TRPC4: variants seen among roughly 807,000 people sequenced by gnomAD.
TRPC4 encodes short transient receptor potential channel 4.
In TRPC4, 49 loss-of-function variants were observed where a neutral mutation model predicts 99.4. The observed-to-expected ratio is 0.49, with a 90% CI of 0.39 to 0.63. The LOEUF (loss-of-function observed/expected upper bound fraction) is 0.63, where lower values mean the gene tolerates loss of function less well. Among genes scored for constraint, TRPC4 ranks in the 20% least tolerant of loss-of-function variants. The pLI is 0.00. For missense variants in TRPC4, 898 were observed against 1,152.9 expected (o/e 0.78, Z 3.20); for synonymous variants, 454 against 425.9 (o/e 1.07, Z -0.81).
intron 1 of TRPC4, among the ~76,000 whole-genome samples, chr13:37,869,020 G>C (rs1321912756): frequency 1.3e-5 from 2 of 152,064 alleles, no homozygotes; most frequent in Middle Eastern, 6.3e-3. Context: ...GGCGAACTAG[G>C]AATCACTAGC....
rs775317339 is a variant in TRPC4, at chr13:37,745,978, G to A, written c.856C>T (p.Leu286Phe). The A allele has an allele frequency of 6.2e-7, 1 of 1,613,692 alleles. No individual in the cohort carries two copies. Among genetic ancestry groups the A allele is most frequent in the South Asian group, 1.1e-5 (1 of 91,056 alleles). Residue 286 changes from leucine to phenylalanine, a missense_variant, in exon 3 of 11, where the codon CTT (leucine) becomes TTT (phenylalanine). Physicochemically the swap from Leu to Phe is conservative, Grantham distance 22. This residue lies in a region of TRPC4 where 278 missense variants were observed against 346.6 expected (regional missense o/e 0.80). Coordinates refer to ENST00000379705, the MANE Select transcript of TRPC4 (RefSeq NM_016179.4). ...TTAATGGCCAATTTTAGTCTTGCAA[G>A]ATCATTTCCACTTTGTTCTTCTATG... is the stretch of plus-strand genomic sequence containing the variant. Reference protein sequence around the residue: ...SLIEEQSGNDLARLKLAIKYR... With the variant: ...SLIEEQSGNDFARLKLAIKYR...
chr13:37,637,114 AAC>A lies in TRPC4; in HGVS notation c.2721_2722del (p.Leu908SerfsTer4). ...CGTATTCCTTTCTCTATGGTCTACTAACACACATTGTTCACTGAGACCGGGAA... is the reference window on the plus strand; with the variant it reads ...CGTATTCCTTTCTCTATGGTCTACTAACACATTGTTCACTGAGACCGGGAA... On this transcript the variant is annotated frameshift_variant, in exon 11 of 11. Transcript: ENST00000379705. LOFTEE classifies it high-confidence loss of function. 2 of 1,613,770 alleles carry A rather than the reference AAC, an allele frequency of 1.2e-6. No homozygotes were observed. Among genetic ancestry groups the A allele is most frequent in the Middle Eastern group, 1.7e-4 (1 of 6,060 alleles).
intron 1 of TRPC4, among the ~76,000 whole-genome samples, chr13:37,844,321 T>G (rs1958825348): frequency 6.6e-6 from 1 of 151,740 alleles, no homozygotes; most frequent in African/African-American, 2.4e-5. Flanking sequence ...TGAGACAGAG[T>G]TTCACTCTTG....
chr13:37,868,291 G>T (rs1333475402), intron 1 of TRPC4, among the ~76,000 whole-genome samples: 4 of 151,372 alleles, frequency 2.6e-5, no homozygotes, highest in Middle Eastern at 3.2e-3. Context: ...TGATCTTATT[G>T]TTTTTTTTCC....
At chr13:37,660,262 G>A (rs974633955) in intron 6 of TRPC4, among the ~76,000 whole-genome samples, 9 of 152,044 alleles carry the variant, frequency 5.9e-5, no homozygotes, top group Non-Finnish European at 1.3e-4. Context: ...TAATATAGAA[G>A]TTAAAAGGGG....
intron 1 of TRPC4, among the ~76,000 whole-genome samples, chr13:37,808,356 A>G (rs1470883064): frequency 6.6e-6 from 1 of 152,056 alleles, no homozygotes; most frequent in African/African-American, 2.4e-5. Flanking sequence ...TACCTACTGC[A>G]ATGGCTAATG....
intron 1 of TRPC4, among the ~76,000 whole-genome samples, chr13:37,827,153 T>C (rs1958252986): frequency 6.6e-6 from 1 of 152,062 alleles, no homozygotes; most frequent in Admixed American, 6.6e-5. Flanking sequence ...TCTGTATTGG[T>C]TATTCTAGTT....
chr13:37,865,825 GTGATTT>G (rs1959706953), intron 1 of TRPC4, among the ~76,000 whole-genome samples: 1 of 151,682 alleles, frequency 6.6e-6, no homozygotes, highest in Non-Finnish European at 1.5e-5. Context: ...AAGCAATTTT[GTGATTT>G]TCATAAATTT....
intron 2 of TRPC4, among the ~76,000 whole-genome samples, chr13:37,768,105 A>G (rs1956437270): frequency 6.6e-6 from 1 of 151,544 alleles, no homozygotes; most frequent in Non-Finnish European, 1.5e-5. Flanking sequence ...GAATTAACAA[A>G]TTAAGGTAAA....
At chr13:37,732,330 T>C (rs181245273) in intron 3 of TRPC4, among the ~76,000 whole-genome samples, 1 of 152,208 alleles carries the variant, frequency 6.6e-6, no homozygotes, top group African/African-American at 2.4e-5. Flanking sequence ...TCAGAGGTAA[T>C]TGTTTTATTT....
intron 3 of TRPC4, among the ~76,000 whole-genome samples, chr13:37,736,106 T>G (rs1190409253): frequency 6.6e-6 from 1 of 152,186 alleles, no homozygotes; most frequent in Non-Finnish European, 1.5e-5. Flanking sequence ...AGCCTAGTGT[T>G]AAATTAAATG....
At chr13:37,705,587 T>C (rs940749998) in intron 3 of TRPC4, among the ~76,000 whole-genome samples, 7 of 152,084 alleles carry the variant, frequency 4.6e-5, no homozygotes, top group African/African-American at 1.7e-4. Context: ...AAAAAAGAAA[T>C]GAACCTCTTT....
chr13:37,770,165 C>T (rs1289765007), intron 2 of TRPC4, among the ~76,000 whole-genome samples: 1 of 151,234 alleles, frequency 6.6e-6, no homozygotes, highest in African/African-American at 2.4e-5. Flanking sequence ...ATAAATATGA[C>T]AAATATGACT....
intron 1 of TRPC4, among the ~76,000 whole-genome samples, chr13:37,838,817 T>C (rs997421138): frequency 6.6e-6 from 1 of 152,168 alleles, no homozygotes; most frequent in African/African-American, 2.4e-5. Flanking sequence ...TACATTTGCA[T>C]ATACTTGCTT....
Position 37,635,875 on chromosome 13 carries a change from T to G in TRPC4, c.*1028A>C, listed in dbSNP as rs987469338. On this transcript the variant is annotated 3_prime_UTR_variant, in exon 11 of 11. Coordinates refer to ENST00000379705, the MANE Select transcript of TRPC4 (RefSeq NM_016179.4). Reference sequence around the variant, plus strand: ...AATTAATAATGATTTTTGAGTGATTTAATTTTAAAGAAATATATAAAGATT... The same window carrying G: ...AATTAATAATGATTTTTGAGTGATTGAATTTTAAAGAAATATATAAAGATT... 3.3e-5 allele frequency among the ~76,000 whole-genome samples: 5 copies of G among 152,114 alleles called. No homozygotes were observed. Among genetic ancestry groups the G allele is most frequent in the Non-Finnish European group, 5.9e-5 (4 of 67,990 alleles).
chr13:37,691,525 T>A (rs1445747522), intron 4 of TRPC4, among the ~76,000 whole-genome samples: 2 of 152,200 alleles, frequency 1.3e-5, no homozygotes, highest in Non-Finnish European at 2.9e-5. Flanking sequence ...GTTGTTTAAT[T>A]TCCTGTTATT....
chr13:37,843,525 G>T (rs1362377087), intron 1 of TRPC4, among the ~76,000 whole-genome samples: 1 of 152,144 alleles, frequency 6.6e-6, no homozygotes, highest in Non-Finnish European at 1.5e-5. Flanking sequence ...TTGCAGAAAA[G>T]ATATTACATT....
At chr13:37,704,247 G>A (rs925948820) in intron 3 of TRPC4, among the ~76,000 whole-genome samples, 8 of 152,164 alleles carry the variant, frequency 5.3e-5, no homozygotes, top group South Asian at 2.1e-4. Context: ...AGAGCAGAAG[G>A]TAACCTGTGA....
At chr13:37,672,945 C>T (rs1952904422) in intron 5 of TRPC4, among the ~76,000 whole-genome samples, 1 of 152,020 alleles carries the variant, frequency 6.6e-6, no homozygotes, top group Admixed American at 6.6e-5. Flanking sequence ...CAACTTCAGA[C>T]AATTTTTTTT....
Sources: gnomAD v4.1 joint callset for allele counts (sites outside exome capture counted in the v4.1 genomes callset) on GRCh38, gnomAD v4.1.1 for gene constraint, gnomAD v4.1.1 regional missense constraint, MANE v1.5 for transcripts, NCBI Gene and HGNC (gene_info 2026-07-23, HGNC 2026-07-21) for gene names.